JCAD: variants seen among roughly 807,000 people sequenced by gnomAD.
JCAD encodes junctional cadherin 5-associated protein.
In JCAD, 40 loss-of-function variants were observed where a neutral mutation model predicts 98.0. The observed-to-expected ratio is 0.41, with a 90% confidence interval of 0.32 to 0.53. The LOEUF is 0.53. Among genes scored for constraint, JCAD ranks in the 20% least tolerant of loss-of-function variants. The pLI, the probability that JCAD is intolerant of heterozygous loss-of-function variation, is 0.31. For missense variants in JCAD, 1,705 were observed against 1,738.1 expected (o/e 0.98, Z 0.34); for synonymous variants, 691 against 682.3 (o/e 1.01, Z -0.20).
chr10:30,014,823 G>A lies in JCAD; in HGVS notation c.*3060C>T, dbSNP rs1026345510. The A allele has an allele frequency of 6.6e-6, 1 of 152,164 alleles. No homozygotes were observed. The highest frequency in any genetic ancestry group is 2.4e-5 in the African/African-American group (1 of 41,446). 9.4% of individuals were successfully genotyped at this position (152,164 alleles called of 1,614,324 possible). A position where few individuals can be genotyped will look rare whatever the true frequency, so the allele number is the denominator to read the frequency against. ...AATGGGGCAGCAAAAGTTCTACTTA[G>A]AATTTCCACGTGAATGAAACCCGCA... On this transcript the variant is annotated 3_prime_UTR_variant, in exon 4 of 4. Coordinates refer to ENST00000375377, the MANE Select transcript of JCAD (RefSeq NM_020848.4).
intron 1 of JCAD, among the ~76,000 whole-genome samples, chr10:30,083,310 G>A (rs961757930): frequency 6.6e-6 from 1 of 152,172 alleles, no homozygotes; most frequent in Non-Finnish European, 1.5e-5. Flanking sequence ...CTGGAGTCAA[G>A]TCTCCTCCCC....
chr10:30,042,377 G>C (rs542077226), intron 2 of JCAD, among the ~76,000 whole-genome samples: 1 of 148,650 alleles, frequency 6.7e-6, no homozygotes, highest in African/African-American at 2.6e-5. Context: ...TGATCGGAGC[G>C]GGGAGACACC....
chr10:30,083,049 G>T (rs920285598), intron 1 of JCAD, among the ~76,000 whole-genome samples: 2 of 151,200 alleles, frequency 1.3e-5, no homozygotes, highest in African/African-American at 4.9e-5. Context: ...CAAACAAACA[G>T]AAAAACAGAA....
intron 1 of JCAD, among the ~76,000 whole-genome samples, chr10:30,051,152 G>A (rs747437260): frequency 6.6e-6 from 1 of 152,058 alleles, no homozygotes; most frequent in Admixed American, 6.6e-5. Context: ...AAGAGAGAAG[G>A]CATGGTGGCA....
intron 1 of JCAD, among the ~76,000 whole-genome samples, chr10:30,100,450 C>T (rs567335078): frequency 1.1e-3 from 161 of 152,228 alleles, no homozygotes; most frequent in African/African-American, 3.7e-3. Context: ...GACGCGATCT[C>T]GGTTCACTGC....
At chr10:30,047,144 C>T (rs533826093) in intron 2 of JCAD, among the ~76,000 whole-genome samples, 17 of 152,056 alleles carry the variant, frequency 1.1e-4, no homozygotes, top group African/African-American at 3.9e-4. Flanking sequence ...GAGGCCTAGG[C>T]GGGCAGATCA....
Position 30,109,764 on chromosome 10 carries a change from A to C in JCAD, n.128+5603T>G, listed in dbSNP as rs146376545. 4.1e-4 allele frequency among the ~76,000 whole-genome samples: 62 copies of C among 152,272 alleles called. 1 individual carries two copies. The East Asian group carries it at 0.012, about 29-fold the overall frequency. On this transcript the variant is annotated intron_variant and non_coding_transcript_variant, in intron 1 of 2. Coordinates refer to the JCAD transcript ENST00000465712. ...AGGCCCCCGATGTATGGACTCCCTG[A>C]TATATGGACTTCTTGATATATGGGC...
rs1020304833 is a variant in JCAD at position 30,014,638 on chromosome 10, C to G, written c.*3245G>C. 3.9e-5 allele frequency: 6 copies of G among 152,182 alleles called. No individual in the cohort carries two copies. The highest frequency in any genetic ancestry group is 1.2e-4 in the African/African-American group (5 of 41,456). The allele number at this position is 152,182 out of a possible 1,614,324, so 9.4% of individuals were successfully genotyped here. A position where few individuals can be genotyped will look rare whatever the true frequency, so the allele number is the denominator to read the frequency against. Reference sequence around the variant, plus strand: ...CTCCGAGTTGGGAAAGTAGTTGTTTCAACAGATCAGCTTCATCCTTTTTCT... The same window carrying G: ...CTCCGAGTTGGGAAAGTAGTTGTTTGAACAGATCAGCTTCATCCTTTTTCT... On this transcript the variant is annotated 3_prime_UTR_variant, in exon 4 of 4. Coordinates refer to ENST00000375377, the MANE Select transcript of JCAD (RefSeq NM_020848.4).
In JCAD at chr10:30,081,518, G is replaced by A. The variant is rs991356397; in HGVS notation, n.129-11697C>T. On this transcript the variant is annotated intron_variant and non_coding_transcript_variant, in intron 1 of 2. Transcript: ENST00000465712. ...GTGATCTATGCTCACTGCAATCTCC[G>A]CCTCCCTGGTTCAAGCGATTCTCAT... 4.6e-5 allele frequency among the ~76,000 whole-genome samples: 7 copies of A among 152,184 alleles called. No individual in the cohort carries two copies. The South Asian group carries it at 8.3e-4, about 18-fold the overall frequency.
rs571754858 is a variant in JCAD at position 30,033,945 on chromosome 10, C to T, written c.282-4079G>A. Among the ~76,000 whole-genome samples, 15 of 152,210 alleles carry T rather than the reference C, an allele frequency of 9.9e-5. 1 individual carries two copies. The South Asian group carries it at 2.7e-3, about 27-fold the overall frequency. ...GCCCCTCAAACTCTGTATCCAAGGC[C>T]GGGTGCAGTGGCTCATGCCTGTTAT... On this transcript the variant is annotated intron_variant, in intron 2 of 3. Coordinates refer to ENST00000375377, the MANE Select transcript of JCAD (RefSeq NM_020848.4).
rs1166338958 is a variant in JCAD at position 30,027,540 on chromosome 10, TCTC to T, written c.2605_2607del (p.Glu869del). The T allele has an allele frequency of 1.2e-6, 2 of 1,613,436 alleles. No individual in the cohort carries two copies. The highest frequency in any genetic ancestry group is 2.2e-5 in the East Asian group (1 of 44,888). ...TCCTCCTGTCTGCAGTGAGCACGGT[TCTC>T]CTGCTGCGGCTCCGCCTCACTCTCC... On this transcript the variant is annotated inframe_deletion, in exon 3 of 4. Transcript: ENST00000375377.
chr10:30,058,903 G>A (rs1462257697), intron 1 of JCAD, among the ~76,000 whole-genome samples: 1 of 152,200 alleles, frequency 6.6e-6, no homozygotes, highest in Non-Finnish European at 1.5e-5. Flanking sequence ...CGCAGACCGC[G>A]CAGAGACCGG....
In JCAD at chr10:30,014,522, T is replaced by C. The variant is rs1036007274; in HGVS notation, c.*3361A>G. 2.0e-5 allele frequency: 3 copies of C among 152,148 alleles called. No individual in the cohort carries two copies. The highest frequency in any genetic ancestry group is 6.5e-5 in the Admixed American group (1 of 15,278). 9.4% of individuals were successfully genotyped at this position (152,148 alleles called of 1,614,324 possible). The stretch of plus-strand genomic sequence containing the variant: ...TTTAATCATTTAAAACAAACAATAA[T>C]AAAAAACTCAGCCAGAACACGCAAA... On this transcript the variant is annotated 3_prime_UTR_variant, in exon 4 of 4. Transcript: ENST00000375377.
At position 30,047,494 on chromosome 10, in the gene JCAD, G is replaced by A. The variant is rs151253664; in HGVS notation, c.281+38C>T. The A allele has an allele frequency of 1.7e-5, 27 of 1,582,680 alleles. No individual in the cohort carries two copies. In the East Asian group the frequency reaches 5.8e-4, roughly 34 times the overall value. On this transcript the variant is annotated intron_variant, in intron 2 of 3. Transcript: ENST00000375377. ...ACACATCACCCACCGCCAAACTCCT[G>A]AGTCAAAAGAAAACGGTGGGTTCAC...
intron 3 of JCAD, among the ~76,000 whole-genome samples, chr10:30,021,927 TGG>T (rs765768480): frequency 9.9e-5 from 15 of 152,248 alleles, no homozygotes; most frequent in Non-Finnish European, 1.6e-4. Flanking sequence ...TGGCATGATC[TGG>T]TATCATGAAG....
At chr10:30,094,478 C>T (rs1838337202) in intron 1 of JCAD, among the ~76,000 whole-genome samples, 1 of 151,924 alleles carries the variant, frequency 6.6e-6, no homozygotes, top group African/African-American at 2.4e-5. Context: ...ACAACAAAAA[C>T]AAAACAACAA....
intron 1 of JCAD, among the ~76,000 whole-genome samples, chr10:30,081,765 C>G (rs1838091596): frequency 6.6e-6 from 1 of 152,144 alleles, no homozygotes; most frequent in Non-Finnish European, 1.5e-5. Context: ...TAGCACGTAC[C>G]AGCAGCAGTA....
intron 1 of JCAD, among the ~76,000 whole-genome samples, chr10:30,056,597 C>A (rs1837574103): frequency 6.6e-6 from 1 of 151,074 alleles, no homozygotes; most frequent in Non-Finnish European, 1.5e-5. Flanking sequence ...CATTTACATA[C>A]AGAAAAAACA....
At position 30,018,300 on chromosome 10, in the gene JCAD, T is replaced by C. The variant is rs550665524; in HGVS notation, c.4046-383A>G. 4.6e-5 allele frequency among the ~76,000 whole-genome samples: 7 copies of C among 152,028 alleles called. No homozygotes were observed. In the East Asian group the frequency reaches 1.4e-3, roughly 29 times the overall value. On this transcript the variant is annotated intron_variant, in intron 3 of 3. Transcript: ENST00000375377. ...CTTCTTCTTCTTCTTCTTCTTCTTT[T>C]TTTTTTTTTGGTAAATTACAGCTCA...
Sources: gnomAD v4.1 joint callset for allele counts (sites outside exome capture counted in the v4.1 genomes callset) on GRCh38, gnomAD v4.1.1 for gene constraint, MANE v1.5 for transcripts, NCBI Gene and HGNC (gene_info 2026-07-23, HGNC 2026-07-21) for gene names.